Variants in LOC128462377 observed in about 807,000 individuals in gnomAD.
chr16:89,392,120 G>A, the LOC128462377 span, among the ~76,000 whole-genome samples: 138 of 151,962 alleles, frequency 9.1e-4, 3 homozygotes, highest in East Asian at 0.022. Flanking sequence ...TCCAGCCAAT[G>A]GAAACCGGAC....
the LOC128462377 span, among the ~76,000 whole-genome samples, chr16:89,405,223 G>A: frequency 6.6e-6 from 1 of 152,146 alleles, no homozygotes; most frequent in Non-Finnish European, 1.5e-5. Context: ...AAATCTTGTG[G>A]AAGGAGGTAC....
the LOC128462377 span, among the ~76,000 whole-genome samples, chr16:89,384,022 C>T: frequency 2.6e-5 from 4 of 152,128 alleles, no homozygotes; most frequent in South Asian, 2.1e-4. Flanking sequence ...CAGTTCAAGA[C>T]CAGCCTGGCC....
chr16:89,327,530 G>C, the LOC128462377 span, among the ~76,000 whole-genome samples: 3,699 of 152,162 alleles, frequency 0.024, 146 homozygotes, highest in African/African-American at 0.085. Context: ...CAAGGACACA[G>C]AATCCAAGAT....
the LOC128462377 span, among the ~76,000 whole-genome samples, chr16:89,327,657 T>C: frequency 1.3e-5 from 2 of 152,110 alleles, no homozygotes; most frequent in Non-Finnish European, 2.9e-5. Flanking sequence ...AAATACACAG[T>C]ACCATTCTAT....
At chr16:89,373,385 C>G in the LOC128462377 span, 4 of 152,378 alleles carry the variant, frequency 2.6e-5, no homozygotes, top group Admixed American at 6.5e-5. Context: ...AATTCCAAAA[C>G]ACACGCCTTC....
chr16:89,329,258 G>A, the LOC128462377 span, among the ~76,000 whole-genome samples: 605 of 152,348 alleles, frequency 4.0e-3, 3 homozygotes, highest in African/African-American at 0.014. Flanking sequence ...TAAGACGGGG[G>A]ATCTGAATCA....
chr16:89,408,371 G>C, the LOC128462377 span, among the ~76,000 whole-genome samples: 2 of 152,238 alleles, frequency 1.3e-5, no homozygotes, highest in African/African-American at 4.8e-5. Context: ...TTGATGCACA[G>C]AAAGGCCAGC....
chr16:89,411,180 G>A, the LOC128462377 span, among the ~76,000 whole-genome samples: 10 of 152,364 alleles, frequency 6.6e-5, no homozygotes, highest in East Asian at 7.7e-4. Context: ...CCAGGGCCAC[G>A]CCTCCATGAC....
the LOC128462377 span, among the ~76,000 whole-genome samples, chr16:89,398,130 CACT>C: frequency 6.6e-6 from 1 of 151,566 alleles, no homozygotes; most frequent in African/African-American, 2.4e-5. Flanking sequence ...ACAAGAGGGA[CACT>C]GTGAAACAGC....
chr16:89,392,472 T>G, the LOC128462377 span: 1 of 152,074 alleles, frequency 6.6e-6, no homozygotes, highest in Non-Finnish European at 1.5e-5. Context: ...AAAAACAATG[T>G]TTATGTTTTG....
chr16:89,410,165 C>T, the LOC128462377 span, among the ~76,000 whole-genome samples: 2 of 152,144 alleles, frequency 1.3e-5, no homozygotes, highest in African/African-American at 4.8e-5. Context: ...ACACAGTTTG[C>T]TGTTCAGCTA....
chr16:89,344,440 G>A, the LOC128462377 span, among the ~76,000 whole-genome samples: 1 of 152,170 alleles, frequency 6.6e-6, no homozygotes, highest in African/African-American at 2.4e-5. Context: ...GGCCACTGCT[G>A]TCCACACACT....
the LOC128462377 span, among the ~76,000 whole-genome samples, chr16:89,336,186 G>T: frequency 6.6e-6 from 1 of 152,220 alleles, no homozygotes; most frequent in South Asian, 2.1e-4. Context: ...CTGGAGCTCA[G>T]AGCCACTGTC....
the LOC128462377 span, among the ~76,000 whole-genome samples, chr16:89,348,621 T>G: frequency 2.0e-5 from 3 of 152,236 alleles, no homozygotes; most frequent in African/African-American, 7.2e-5. Context: ...TTCAATTTCT[T>G]TAATAGATAC....
chr16:89,340,643 T>C, the LOC128462377 span, among the ~76,000 whole-genome samples: 2 of 152,240 alleles, frequency 1.3e-5, no homozygotes, highest in Non-Finnish European at 2.9e-5. Context: ...CATCATCTTT[T>C]TTTCTAACAT....
chr16:89,405,491 ATT>A, the LOC128462377 span, among the ~76,000 whole-genome samples: 19 of 111,440 alleles, frequency 1.7e-4, no homozygotes, highest in African/African-American at 2.5e-4. Context: ...CACCTGGCTC[ATT>A]TTTTTTTTTT....
At chr16:89,394,352 G>C in the LOC128462377 span, among the ~76,000 whole-genome samples, 2 of 152,232 alleles carry the variant, frequency 1.3e-5, no homozygotes, top group African/African-American at 4.8e-5. Context: ...TCGTGGGCCA[G>C]GCACAGTGGC....
the LOC128462377 span, among the ~76,000 whole-genome samples, chr16:89,388,493 G>A: frequency 5.3e-5 from 8 of 151,992 alleles, no homozygotes; most frequent in South Asian, 2.1e-4. Context: ...CAAGATTTGC[G>A]TTTCCCTGTG....
At chr16:89,351,386 T>C in the LOC128462377 span, among the ~76,000 whole-genome samples, 1 of 152,190 alleles carries the variant, frequency 6.6e-6, no homozygotes, top group Non-Finnish European at 1.5e-5. Flanking sequence ...CTGTCCTTGA[T>C]ACTGAGCAGG....
Sources: allele counts gnomAD v4.1 joint callset (sites outside exome capture counted in the v4.1 genomes callset), GRCh38; gene constraint gnomAD v4.1.1; transcripts MANE v1.5.